SLC2A13: variants seen among roughly 807,000 people sequenced by gnomAD.
The protein encoded by SLC2A13 is solute carrier family 2 member 13, also known as proton myo-inositol cotransporter.
A neutral mutation model predicts 64.4 loss-of-function variants in SLC2A13; 32 were observed. The observed-to-expected ratio is 0.50, with a 90% CI of 0.37 to 0.67. The LOEUF (loss-of-function observed/expected upper bound fraction) is 0.67. Among genes scored for constraint, SLC2A13 ranks in the 30% least tolerant of loss-of-function variants. SLC2A13 has a pLI of 0.00. For synonymous variants in SLC2A13, 338 were observed against 327.1 expected, an observed-to-expected ratio of 1.03 and a Z score of -0.36; for missense variants, 743 against 829.2, an observed-to-expected ratio of 0.90 and a Z score of 1.28.
intron 1 of SLC2A13, among the ~76,000 whole-genome samples, chr12:40,066,919 A>T (rs935332502): frequency 2.0e-5 from 3 of 152,232 alleles, no homozygotes; most frequent in South Asian, 2.1e-4. Context: ...AATCTTAAGG[A>T]CTTAGTTTTA....
intron 7 of SLC2A13, among the ~76,000 whole-genome samples, chr12:39,777,396 G>T (rs1001031654): frequency 6.6e-6 from 1 of 152,304 alleles, no homozygotes; most frequent in Admixed American, 6.5e-5. Flanking sequence ...CTACAGCAGA[G>T]AAGTGATACA....
intron 4 of SLC2A13, among the ~76,000 whole-genome samples, chr12:39,896,421 T>C (rs531586781): frequency 7.1e-6 from 1 of 140,602 alleles, no homozygotes; most frequent in Non-Finnish European, 1.5e-5. Context: ...TGTATGTATA[T>C]GTGTATATAT....
At chr12:39,811,222 T>C (rs1405779461) in intron 7 of SLC2A13, among the ~76,000 whole-genome samples, 5 of 152,086 alleles carry the variant, frequency 3.3e-5, no homozygotes, top group Admixed American at 3.3e-4. Flanking sequence ...AGTCCAGCTA[T>C]GACTTAATCT....
At chr12:39,964,197 T>C (rs189017399) in intron 3 of SLC2A13, among the ~76,000 whole-genome samples, 43 of 152,330 alleles carry the variant, frequency 2.8e-4, no homozygotes, top group African/African-American at 1.0e-3. Flanking sequence ...TTCAAAGTAG[T>C]TCTTGTCCCT....
intron 3 of SLC2A13, among the ~76,000 whole-genome samples, chr12:40,027,439 G>T (rs1947832375): frequency 6.6e-6 from 1 of 152,180 alleles, no homozygotes; most frequent in South Asian, 2.1e-4. Flanking sequence ...GCCACGTGTG[G>T]CTAACACAGA....
intron 5 of SLC2A13, 123 bp from the exon 6 acceptor site, chr12:39,865,005 G>A (rs570794706): frequency 5.8e-5 from 50 of 858,744 alleles, no homozygotes; most frequent in Non-Finnish European, 7.7e-5. Flanking sequence ...AAAAAATACC[G>A]TGCTCTATCT....
intron 6 of SLC2A13, among the ~76,000 whole-genome samples, chr12:39,837,293 G>A (rs1164737301): frequency 6.7e-6 from 1 of 148,764 alleles, no homozygotes; most frequent in African/African-American, 2.5e-5. Flanking sequence ...CCATATGTAG[G>A]AAGCTGAAAC....
At chr12:40,062,385 G>GA (rs11375829) in intron 1 of SLC2A13, among the ~76,000 whole-genome samples, 126,870 of 150,542 alleles carry the variant, frequency 0.84, 53,519 homozygotes, top group East Asian at 0.95. Flanking sequence ...AGCTTCAGGG[G>GA]AAAAAAAAAT....
intron 4 of SLC2A13, among the ~76,000 whole-genome samples, chr12:39,884,313 T>C (rs1471763665): frequency 2.6e-5 from 4 of 152,184 alleles, no homozygotes; most frequent in Non-Finnish European, 4.4e-5. Flanking sequence ...CGTGAAATTA[T>C]AATCACAAGG....
At chr12:39,913,959 C>T (rs982140797) in intron 4 of SLC2A13, among the ~76,000 whole-genome samples, 2 of 151,796 alleles carry the variant, frequency 1.3e-5, no homozygotes, top group African/African-American at 2.4e-5. Flanking sequence ...CCACAAAGGA[C>T]GTCTCAAAAA....
intron 6 of SLC2A13, among the ~76,000 whole-genome samples, chr12:39,850,622 T>C (rs1484348921): frequency 6.6e-6 from 1 of 152,190 alleles, no homozygotes; most frequent in Non-Finnish European, 1.5e-5. Flanking sequence ...GCCAAAAATT[T>C]ACACATTCAT....
chr12:40,024,162 T>C (rs1024689029), intron 3 of SLC2A13, among the ~76,000 whole-genome samples: 5 of 152,220 alleles, frequency 3.3e-5, no homozygotes, highest in East Asian at 1.9e-4. Context: ...TGCAATATGA[T>C]ATAAACTAGG....
At chr12:39,923,195 T>C (rs912279998) in intron 4 of SLC2A13, among the ~76,000 whole-genome samples, 2 of 152,194 alleles carry the variant, frequency 1.3e-5, no homozygotes, top group African/African-American at 4.8e-5. Context: ...TTCAAGCAAA[T>C]ACTTGTATCC....
chr12:39,786,391 C>CCCAGCCATGATTCTGAGGCCTCA (rs1592136755), intron 7 of SLC2A13, among the ~76,000 whole-genome samples: 1 of 152,120 alleles, frequency 6.6e-6, no homozygotes, highest in African/African-American at 2.4e-5. Flanking sequence ...CTGAGGCCTC[C>CCCAGCCATGATTCTGAGGCCTCA]CCAGCCATGT....
chr12:40,103,444 C>A (rs763103449), intron 1 of SLC2A13, among the ~76,000 whole-genome samples: 3 of 152,150 alleles, frequency 2.0e-5, no homozygotes, highest in Non-Finnish European at 4.4e-5. Flanking sequence ...TGCTTTTGCC[C>A]CAGCTTGCTA....
chr12:39,880,135 C>T (rs1003409381), intron 4 of SLC2A13, among the ~76,000 whole-genome samples: 2 of 152,170 alleles, frequency 1.3e-5, no homozygotes, highest in Non-Finnish European at 2.9e-5. Flanking sequence ...TTCCCAAGGC[C>T]TCCCCAGAAG....
At chr12:39,915,654 T>G (rs936191432) in intron 4 of SLC2A13, among the ~76,000 whole-genome samples, 16 of 146,964 alleles carry the variant, frequency 1.1e-4, no homozygotes, top group African/African-American at 4.0e-4. Context: ...TGACACAGGA[T>G]TTTTTTTTTT....
intron 4 of SLC2A13, among the ~76,000 whole-genome samples, chr12:39,906,019 A>T (rs1401013458): frequency 1.3e-5 from 2 of 152,142 alleles, no homozygotes; most frequent in Non-Finnish European, 2.9e-5. Flanking sequence ...GACTCTCATA[A>T]TCTGTAAAAC....
At chr12:39,980,069 A>C (rs1946858972) in intron 3 of SLC2A13, among the ~76,000 whole-genome samples, 1 of 152,076 alleles carries the variant, frequency 6.6e-6, no homozygotes, top group African/African-American at 2.4e-5. Context: ...TATCCAGCCA[A>C]ACAAAGCTTC....
Sources: gnomAD v4.1 joint callset for allele counts (sites outside exome capture counted in the v4.1 genomes callset) on GRCh38, gnomAD v4.1.1 for gene constraint, MANE v1.5 for transcripts, NCBI Gene and HGNC (gene_info 2026-07-23, HGNC 2026-07-21) for gene names.